Variants in RPS6KC1 observed in about 807,000 individuals in gnomAD.
RPS6KC1 encodes inactive ribosomal protein S6 kinase delta-1.
A neutral mutation model predicts 103.8 loss-of-function variants in RPS6KC1; 54 were observed. The ratio of observed to expected loss-of-function variants is 0.52; its 90% CI spans 0.42 to 0.65. RPS6KC1 has a LOEUF of 0.65. Ranked by LOEUF, RPS6KC1 falls within the 30% of genes least tolerant of loss-of-function variation. The pLI, the probability that RPS6KC1 is intolerant of heterozygous loss-of-function variation, is 0.00. For synonymous variants in RPS6KC1, 439 were observed against 438.7 expected (o/e 1.00, Z -0.01); for missense variants, 1,151 against 1,253.8 (o/e 0.92, Z 1.24).
the RPS6KC1 span, among the ~76,000 whole-genome samples, chr1:213,633,943 A>AACAG: frequency 6.7e-6 from 1 of 148,926 alleles, no homozygotes; most frequent in Non-Finnish European, 1.5e-5. Context: ...TCTGTGATAA[A>AACAG]ACAGACTTTA....
chr1:213,257,175 T>C (rs2094666883), intron 12 of RPS6KC1, among the ~76,000 whole-genome samples: 1 of 152,110 alleles, frequency 6.6e-6, no homozygotes, highest in African/African-American at 2.4e-5. Context: ...ACTAACACAT[T>C]TCATCTGGGG....
the RPS6KC1 span, among the ~76,000 whole-genome samples, chr1:213,590,782 G>A: frequency 3.9e-5 from 6 of 152,072 alleles, no homozygotes; most frequent in Non-Finnish European, 8.8e-5. Flanking sequence ...TGGTGGTGGC[G>A]GCGAGTCCTT....
chr1:213,758,109 C>A, the RPS6KC1 span, among the ~76,000 whole-genome samples: 1 of 152,212 alleles, frequency 6.6e-6, no homozygotes, highest in Non-Finnish European at 1.5e-5. Context: ...TTTGATAACA[C>A]AACATCCATT....
chr1:213,604,889 G>A, the RPS6KC1 span, among the ~76,000 whole-genome samples: 3 of 152,262 alleles, frequency 2.0e-5, no homozygotes, highest in East Asian at 3.9e-4. Flanking sequence ...GAGGGTGGGG[G>A]CAGTAGGAGA....
At chr1:213,576,037 G>T in the RPS6KC1 span, among the ~76,000 whole-genome samples, 18 of 152,212 alleles carry the variant, frequency 1.2e-4, no homozygotes, top group African/African-American at 4.8e-5. Flanking sequence ...CAGAAGCTCT[G>T]GAATGGTTTA....
At chr1:213,705,648 C>G in the RPS6KC1 span, among the ~76,000 whole-genome samples, 1 of 152,348 alleles carries the variant, frequency 6.6e-6, no homozygotes, top group Middle Eastern at 3.4e-3. Flanking sequence ...ATTTTTCCCT[C>G]TGCTTTTCTC....
At chr1:213,602,034 C>CTTTT in the RPS6KC1 span, among the ~76,000 whole-genome samples, 91 of 11,392 alleles carry the variant, frequency 8.0e-3, 21 homozygotes, top group Non-Finnish European at 0.016. Flanking sequence ...CTTTCTCTTT[C>CTTTT]TCTTTCTTTC....
chr1:213,610,723 C>T, the RPS6KC1 span, among the ~76,000 whole-genome samples: 1 of 152,168 alleles, frequency 6.6e-6, no homozygotes, highest in Non-Finnish European at 1.5e-5. Context: ...GGCAGGAAAA[C>T]AATACATTAC....
chr1:213,363,307 AC>A, the RPS6KC1 span, among the ~76,000 whole-genome samples: 1 of 152,108 alleles, frequency 6.6e-6, no homozygotes, highest in East Asian at 1.9e-4. Context: ...GTAGCTGAAA[AC>A]CTGCCAGAGT....
the RPS6KC1 span, among the ~76,000 whole-genome samples, chr1:213,447,793 T>C: frequency 1.3e-5 from 2 of 152,204 alleles, no homozygotes; most frequent in Non-Finnish European, 2.9e-5. Flanking sequence ...AAATAGAAAT[T>C]AAAAGTTAGC....
intron 12 of RPS6KC1, among the ~76,000 whole-genome samples, chr1:213,246,708 A>T (rs1050030069): frequency 4.6e-5 from 7 of 151,920 alleles, no homozygotes; most frequent in African/African-American, 1.7e-4. Flanking sequence ...CTTGACTCTT[A>T]TCATTCAAAA....
chr1:213,253,278 A>G (rs925792902), intron 12 of RPS6KC1, among the ~76,000 whole-genome samples: 1 of 152,182 alleles, frequency 6.6e-6, no homozygotes, highest in Non-Finnish European at 1.5e-5. Flanking sequence ...GAGATGATCT[A>G]TGTGGTGCTC....
At chr1:213,704,433 T>G in the RPS6KC1 span, among the ~76,000 whole-genome samples, 121,798 of 149,840 alleles carry the variant, frequency 0.81, 49,566 homozygotes, top group African/African-American at 0.84. Context: ...TTCTTCAGTA[T>G]GCCAGTTGCG....
At chr1:213,611,192 A>G in the RPS6KC1 span, among the ~76,000 whole-genome samples, 7 of 152,148 alleles carry the variant, frequency 4.6e-5, no homozygotes, top group Non-Finnish European at 1.0e-4. Context: ...GGAGGGAACA[A>G]CATTTTGTAA....
intron 8 of RPS6KC1, among the ~76,000 whole-genome samples, chr1:213,177,635 A>T (rs986136011): frequency 6.6e-6 from 1 of 152,118 alleles, no homozygotes; most frequent in Non-Finnish European, 1.5e-5. Context: ...TTCTTTTTTT[A>T]AGAGCCTGAA....
chr1:213,518,222 C>T, the RPS6KC1 span, among the ~76,000 whole-genome samples: 21 of 152,262 alleles, frequency 1.4e-4, no homozygotes, highest in Non-Finnish European at 2.6e-4. Context: ...AATATATGTC[C>T]TTGTTCCCCA....
the RPS6KC1 span, among the ~76,000 whole-genome samples, chr1:213,514,420 A>C: frequency 8.2e-6 from 1 of 122,664 alleles, no homozygotes; most frequent in Admixed American, 1.1e-4. Flanking sequence ...GTGATGTTGC[A>C]CTTCCTCTGT....
the RPS6KC1 span, among the ~76,000 whole-genome samples, chr1:213,747,109 G>A: frequency 6.6e-6 from 1 of 152,104 alleles, no homozygotes; most frequent in Non-Finnish European, 1.5e-5. Context: ...GCACTCCTGG[G>A]AGCAGGACCC....
At chr1:213,774,781 T>C in the RPS6KC1 span, among the ~76,000 whole-genome samples, 1 of 152,218 alleles carries the variant, frequency 6.6e-6, no homozygotes, top group African/African-American at 2.4e-5. Context: ...AAGAAACCTG[T>C]CCCAATGTTA....
Sources: gnomAD v4.1 joint callset for allele counts (sites outside exome capture counted in the v4.1 genomes callset) on GRCh38, gnomAD v4.1.1 for gene constraint, MANE v1.5 for transcripts, NCBI Gene and HGNC (gene_info 2026-07-23, HGNC 2026-07-21) for gene names.